The following SNX32 variants were observed in gnomAD, a reference collection of about 807,000 sequenced individuals.
SNX32 encodes sorting nexin 32, also known as sorting nexin-32.
Under a neutral mutation model 57.0 loss-of-function variants are expected in SNX32, and 58 were observed. That is an observed-to-expected ratio of 1.02 (90% CI 0.82 to 1.27). SNX32 has a LOEUF of 1.27. Among genes scored for constraint, SNX32 ranks in the 50% most tolerant of loss-of-function variants. SNX32 has a pLI of 0.00. For synonymous variants in SNX32, 262 were observed against 220.4 expected, an observed-to-expected ratio of 1.19 and a Z score of -1.67; for missense variants, 589 against 541.2, an observed-to-expected ratio of 1.09 and a Z score of -0.88.
intron 6 of SNX32, 31 bp from the exon 7 acceptor site, chr11:65,851,024 G>A: frequency 1.3e-6 from 2 of 1,591,282 alleles, no homozygotes; most frequent in Non-Finnish European, 8.6e-7. Context: ...TGGTGACCCA[G>A]TGTAAATGGG....
At chr11:65,834,666 ATC>A (rs1002433298) in intron 1 of SNX32, among the ~76,000 whole-genome samples, 4 of 140,856 alleles carry the variant, frequency 2.8e-5, no homozygotes, top group East Asian at 4.3e-4. Context: ...CTCTGTGTGT[ATC>A]TGTGTGTGCA....
intron 1 of SNX32, among the ~76,000 whole-genome samples, chr11:65,843,220 CAAAAA>C (rs11307931): frequency 9.2e-6 from 1 of 108,936 alleles, no homozygotes; most frequent in African/African-American, 3.6e-5. Context: ...GACTCCGTCT[CAAAAA>C]AAAAAAAAAA....
At chr11:65,837,637 G>A (rs1359057999) in intron 1 of SNX32, among the ~76,000 whole-genome samples, 3 of 146,478 alleles carry the variant, frequency 2.0e-5, no homozygotes, top group African/African-American at 7.6e-5. Context: ...CTGGCCAACA[G>A]AGCGGACCCC....
intron 1 of SNX32, among the ~76,000 whole-genome samples, chr11:65,840,208 C>A (rs574000304): frequency 1.3e-5 from 2 of 152,064 alleles, no homozygotes; most frequent in Admixed American, 6.6e-5. Flanking sequence ...ATATGATTAT[C>A]TCAATCAAAG....
intron 4 of SNX32, 28 bp downstream of exon 4, chr11:65,850,299 C>A: frequency 6.2e-7 from 1 of 1,614,072 alleles, no homozygotes. Flanking sequence ...TCCCTGCCAT[C>A]CCCAGAGTCC....
At chr11:65,845,028 T>A (rs993527337) in intron 1 of SNX32, among the ~76,000 whole-genome samples, 1 of 147,602 alleles carries the variant, frequency 6.8e-6, no homozygotes, top group Non-Finnish European at 1.5e-5. Context: ...CCAGACATGG[T>A]GCTGCACACT....
rs1227858769 is a variant in SNX32, at chr11:65,834,074, G to C, written c.9G>C (p.Thr3=). The C allele has an allele frequency of 1.3e-6, 2 of 1,551,190 alleles. No homozygotes were observed. Among genetic ancestry groups the C allele is most frequent in the African/African-American group, 2.7e-5 (2 of 73,010 alleles). The change falls in exon 1 of 13, where the codon ACG becomes ACC. Residue 3 remains threonine, a synonymous_variant. Coordinates refer to ENST00000308342, the MANE Select transcript of SNX32 (RefSeq NM_152760.3). ME[T]YAEVGKEGKP... is the part of the protein sequence containing the mutation. ...TGAAGCCCAGGAGAGCGATGGAGAC[G>C]TATGCGGAGGTTGGGAAGGAGGGCA...
At chr11:65,834,220 CTG>C (rs1328814571) in intron 1 of SNX32, 119 bp downstream of exon 1, 7 of 976,630 alleles carry the variant, frequency 7.2e-6, no homozygotes, top group Non-Finnish European at 1.1e-5. Flanking sequence ...CTGTGTGTTT[CTG>C]TGTGTGTCTG....
At position 65,851,045 on chromosome 11, in the gene SNX32, G is replaced by C. The variant is rs1361025613; in HGVS notation, c.604-10G>C. 1.9e-6 allele frequency: 3 copies of C among 1,611,010 alleles called. No individual in the cohort carries two copies. The South Asian group carries it at 3.3e-5, about 18-fold the overall frequency. ...CCCAGTGTAAATGGGGTCCTGCCTG[G>C]CTCCCTTAGGAGGTGGATGACTTCT... On this transcript the variant is annotated splice_polypyrimidine_tract_variant and intron_variant, in intron 6 of 12. Transcript: ENST00000308342.
chr11:65,850,337 G>A, intron 4 of SNX32, 66 bp downstream of exon 4: 1 of 1,613,632 alleles, frequency 6.2e-7, no homozygotes, highest in South Asian at 1.1e-5. Flanking sequence ...ATCTCCCCAT[G>A]AATGTTTAGC....
At chr11:65,848,370 TG>T (rs1302992183) in intron 1 of SNX32, among the ~76,000 whole-genome samples, 3 of 150,206 alleles carry the variant, frequency 2.0e-5, no homozygotes, top group Admixed American at 6.7e-5. Context: ...CCCAGGAGTT[TG>T]AGACCAGCCT....
In SNX32 at chr11:65,852,517, T is replaced by C. The variant is rs374141780; in HGVS notation, c.878T>C (p.Leu293Pro). 3.1e-6 allele frequency: 5 copies of C among 1,614,102 alleles called. No homozygotes were observed. Among genetic ancestry groups the C allele is most frequent in the Non-Finnish European group, 4.2e-6 (5 of 1,180,038 alleles). ...SDEDLKLSDM[L>P]RYYMRDSQAA... ...GAGGACCTGAAGCTGTCAGACATGC[T>C]GAGGTACTACATGCGTGACTCACAG... The change falls in exon 10 of 13, where the codon CTG (leucine) becomes CCG (proline). Residue 293 changes from leucine (L) to proline (P), a missense_variant. Coordinates refer to ENST00000308342, the MANE Select transcript of SNX32 (RefSeq NM_152760.3).
chr11:65,851,825 TTTAACAA>T, intron 9 of SNX32, 146 bp downstream of exon 9: 1 of 870,178 alleles, frequency 1.1e-6, no homozygotes. Context: ...TCCAGACTAG[TTTAACAA>T]AAGGTGGGGT....
At chr11:65,840,309 A>T (rs1313292565) in intron 1 of SNX32, among the ~76,000 whole-genome samples, 1 of 152,230 alleles carries the variant, frequency 6.6e-6, no homozygotes, top group African/African-American at 2.4e-5. Flanking sequence ...GATTAAAAAA[A>T]ATATCTAAAA....
intron 1 of SNX32, among the ~76,000 whole-genome samples, chr11:65,838,352 A>G (rs1022759463): frequency 6.6e-6 from 1 of 152,176 alleles, no homozygotes; most frequent in Non-Finnish European, 1.5e-5. Flanking sequence ...TGACAGAACT[A>G]AAAGGAGTAA....
At chr11:65,841,137 G>T (rs1156694375) in intron 1 of SNX32, among the ~76,000 whole-genome samples, 1 of 151,180 alleles carries the variant, frequency 6.6e-6, no homozygotes, top group Non-Finnish European at 1.5e-5. Context: ...CAGAGACGGG[G>T]TTTTACCATG....
rs1859231949 is a variant in SNX32, at chr11:65,852,483, G to A, written c.844G>A (p.Ala282Thr). The change falls in exon 10 of 13, where the codon GCT (alanine) becomes ACT (threonine). Residue 282 changes from alanine (A) to threonine (T), a missense_variant. Coordinates refer to ENST00000308342, the MANE Select transcript of SNX32 (RefSeq NM_152760.3). ...ERLRKLEGRV[A>T]SDEDLKLSDM... ...GATGCAGAAGCTGGAGGGCCGGGTG[G>A]CTTCCGATGAGGACCTGAAGCTGTC... The A allele has an allele frequency of 3.1e-6, 5 of 1,614,176 alleles. No homozygotes were observed. The South Asian group carries it at 5.5e-5, about 18-fold the overall frequency.
intron 1 of SNX32, among the ~76,000 whole-genome samples, chr11:65,839,924 C>T (rs142288669): frequency 0.068 from 10,338 of 151,736 alleles, 496 homozygotes; most frequent in Non-Finnish European, 0.092. Flanking sequence ...TTTGGGAGGC[C>T]GAGGTGGGCG....
chr11:65,847,015 T>TG (rs1390516533), intron 1 of SNX32, among the ~76,000 whole-genome samples: 2 of 5,568 alleles, frequency 3.6e-4, no homozygotes, highest in Non-Finnish European at 0.071. Flanking sequence ...GTTTTTTTTG[T>TG]TTTTTTTTTT....
Sources: allele counts gnomAD v4.1 joint callset (sites outside exome capture counted in the v4.1 genomes callset), GRCh38; gene constraint gnomAD v4.1.1; transcripts MANE v1.5; gene names NCBI Gene and HGNC (gene_info 2026-07-23, HGNC 2026-07-21).